The following CCDC69 variants were observed in gnomAD, a reference collection of about 807,000 sequenced individuals.
The protein encoded by CCDC69 is coiled-coil domain containing 69.
A neutral mutation model predicts 40.3 loss-of-function variants in CCDC69; 38 were observed. The observed-to-expected ratio is 0.94, with a 90% CI of 0.73 to 1.24. The LOEUF (loss-of-function observed/expected upper bound fraction) is 1.24. CCDC69 is among the 50% of genes most tolerant of loss of function. The pLI is 0.00. For synonymous variants in CCDC69, 141 were observed against 138.9 expected (o/e 1.02, Z -0.11); for missense variants, 389 against 357.9 (o/e 1.09, Z -0.70).
At chr5:151,200,926 T>C (rs1329132468) in intron 3 of CCDC69, among the ~76,000 whole-genome samples, 5 of 152,244 alleles carry the variant, frequency 3.3e-5, no homozygotes, top group African/African-American at 1.2e-4. Flanking sequence ...TTGCAGTAAG[T>C]ATTTCTGTGT....
intron 5 of CCDC69, among the ~76,000 whole-genome samples, chr5:151,186,405 T>C (rs1011025445): frequency 2.7e-5 from 1 of 37,402 alleles, no homozygotes; most frequent in Non-Finnish European, 5.0e-5. Context: ...GGGAGGGAGA[T>C]AGGGAGGGGA....
intron 2 of CCDC69, among the ~76,000 whole-genome samples, chr5:151,202,305 A>G (rs1752786540): frequency 6.6e-6 from 1 of 152,130 alleles, no homozygotes; most frequent in Non-Finnish European, 1.5e-5. Flanking sequence ...AGGCTGCAGT[A>G]AGCTATGACT....
chr5:151,208,261 C>A (rs568623532), intron 1 of CCDC69, among the ~76,000 whole-genome samples: 1 of 152,218 alleles, frequency 6.6e-6, no homozygotes, highest in Non-Finnish European at 1.5e-5. Context: ...AAAAAACAAA[C>A]AAACAAAAAC....
intron 1 of CCDC69, among the ~76,000 whole-genome samples, chr5:151,208,312 A>C (rs2113998047): frequency 6.6e-6 from 1 of 152,356 alleles, no homozygotes; most frequent in Admixed American, 6.5e-5. Context: ...TGTTCGACAA[A>C]AATTATTAAA....
chr5:151,212,853 T>G (rs1468041693), intron 1 of CCDC69: 1 of 456,080 alleles, frequency 2.2e-6, no homozygotes, highest in Non-Finnish European at 4.4e-6. Flanking sequence ...AAGTTTCAGT[T>G]CAGTATGAAG....
At chr5:151,218,410 G>A (rs970368845) in intron 1 of CCDC69, among the ~76,000 whole-genome samples, 1 of 152,226 alleles carries the variant, frequency 6.6e-6, no homozygotes, top group Non-Finnish European at 1.5e-5. Context: ...AGTGCCAGCC[G>A]TGTGGACGGA....
intron 4 of CCDC69, among the ~76,000 whole-genome samples, chr5:151,195,718 C>CAAA (rs765505789): frequency 0.079 from 4,744 of 60,076 alleles, 490 homozygotes; most frequent in Middle Eastern, 0.13. Flanking sequence ...GACTCCATCT[C>CAAA]AAAAAAAAAA....
At position 151,205,407 on chromosome 5, in the gene CCDC69, C is replaced by T; in HGVS notation, c.117G>A (p.Gly39=). 6.2e-7 allele frequency: 1 copy of T among 1,613,894 alleles called. No individual in the cohort carries two copies. The highest frequency in any genetic ancestry group is 8.5e-7 in the Non-Finnish European group (1 of 1,179,840). The part of the protein sequence containing the change: ...PEPHELGPLN[G]DTAITVQLCA... ...GTGGGGCTGGCTACTCACCTGTGTC[C>T]CCATTGAGGGGACCTAATTCATGGG... Residue 39 remains glycine, a synonymous_variant, in exon 2 of 9, where the codon GGG becomes GGA. Coordinates refer to ENST00000355417, the MANE Select transcript of CCDC69 (RefSeq NM_015621.3).
intron 5 of CCDC69, among the ~76,000 whole-genome samples, chr5:151,186,432 AAGG>A (rs1752521048): frequency 6.7e-6 from 1 of 149,528 alleles, no homozygotes; most frequent in Non-Finnish European, 1.5e-5. Context: ...GGGGACAGAG[AAGG>A]AGAAGGAGAG....
chr5:151,187,362 C>CT, intron 5 of CCDC69, 24 bp downstream of exon 5: 1 of 1,610,182 alleles, frequency 6.2e-7, no homozygotes, highest in Non-Finnish European at 8.5e-7. Context: ...TTATCCAAGA[C>CT]TGACACGACC....
intron 4 of CCDC69, among the ~76,000 whole-genome samples, chr5:151,193,166 G>C (rs1314920084): frequency 6.6e-6 from 1 of 151,860 alleles, no homozygotes; most frequent in Non-Finnish European, 1.5e-5. Flanking sequence ...TGGATACCTA[G>C]GGATAACTAT....
intron 7 of CCDC69, 68 bp from the exon 8 acceptor site, chr5:151,184,509 C>T: frequency 1.0e-6 from 1 of 961,504 alleles, no homozygotes; most frequent in South Asian, 1.3e-5. Context: ...TGTCACCTCC[C>T]TCTTATCTGT....
chr5:151,204,329 C>G (rs1752824453), intron 2 of CCDC69, among the ~76,000 whole-genome samples: 1 of 152,196 alleles, frequency 6.6e-6, no homozygotes, highest in Non-Finnish European at 1.5e-5. Flanking sequence ...GCCACCGCAC[C>G]TGGCCTGGAT....
chr5:151,222,394 G>A (rs1303247015), intron 1 of CCDC69, among the ~76,000 whole-genome samples: 1 of 152,242 alleles, frequency 6.6e-6, no homozygotes, highest in East Asian at 1.9e-4. Context: ...TCCAGCTTGT[G>A]GAAGGGTCAG....
rs1158560432 is a variant in CCDC69 at position 151,186,120 on chromosome 5, G to A, written c.398C>T (p.Thr133Ile). Residue 133 changes from threonine to isoleucine, a missense_variant, in exon 6 of 9, where the codon ACC becomes ATC. By Grantham distance (89) the Thr-to-Ile change is moderately conservative. Coordinates refer to ENST00000355417, the MANE Select transcript of CCDC69 (RefSeq NM_015621.3). ...CAGCTGTGAGGTCAGTCTGTCTATG[G>A]TCTCCTGGAGCAGGGAGTGGGATGG... ...FREASSTQQE[T>I]IDRLTSQLEA... is the part of the protein sequence containing the mutation. 1.2e-6 allele frequency: 2 copies of A among 1,609,996 alleles called. No homozygotes were observed. Among genetic ancestry groups the A allele is most frequent in the Non-Finnish European group, 1.7e-6 (2 of 1,176,474 alleles).
Position 151,206,777 on chromosome 5 carries a change from C to T in CCDC69, c.49-1302G>A, listed in dbSNP as rs569399065. Among the ~76,000 whole-genome samples, 19 of 151,646 alleles carry T rather than the reference C, an allele frequency of 1.3e-4. 1 individual carries two copies. Among genetic ancestry groups the T allele is most frequent in the Non-Finnish European group, 1.9e-4 (13 of 67,908 alleles). ...TCCTGAGTAGCTGGGACTACAGGTG[C>T]ATGCCACCATGCCCGGCTAATTTCT... is the stretch of plus-strand genomic sequence containing the variant. On this transcript the variant is annotated intron_variant, in intron 1 of 8. Coordinates refer to ENST00000355417, the MANE Select transcript of CCDC69 (RefSeq NM_015621.3).
At chr5:151,185,874 A>G (rs1450383798) in intron 6 of CCDC69, 149 bp downstream of exon 6, 1 of 641,744 alleles carries the variant, frequency 1.6e-6, no homozygotes, top group Admixed American at 2.8e-5. Flanking sequence ...CATCGGTGAA[A>G]TGGGAACTCT....
intron 1 of CCDC69, among the ~76,000 whole-genome samples, chr5:151,211,952 G>A (rs1752956670): frequency 6.9e-6 from 1 of 144,320 alleles, no homozygotes; most frequent in Non-Finnish European, 1.5e-5. Flanking sequence ...TTGGGGTCCT[G>A]ACCACTTCCT....
chr5:151,192,801 T>C (rs114550607), intron 4 of CCDC69, among the ~76,000 whole-genome samples: 3,495 of 152,190 alleles, frequency 0.023, 58 homozygotes, highest in African/African-American at 0.044. Context: ...AAGAGTAATA[T>C]AACACAACCA....
Sources: allele counts gnomAD v4.1 joint callset (sites outside exome capture counted in the v4.1 genomes callset), GRCh38; gene constraint gnomAD v4.1.1; transcripts MANE v1.5; gene names NCBI Gene and HGNC (gene_info 2026-07-23, HGNC 2026-07-21).